Variants in WT1 observed in about 807,000 individuals in gnomAD.
WT1 encodes Wilms tumor protein.
WT1 carries 8 observed loss-of-function variants against 60.8 expected under a neutral mutation model. That is an observed-to-expected ratio of 0.13 (90% CI 0.08 to 0.24). The LOEUF (loss-of-function observed/expected upper bound fraction) is 0.24. Ranked by LOEUF, WT1 falls within the 10% of genes least tolerant of loss-of-function variation. The pLI is 1.00. For synonymous variants in WT1, 312 were observed against 297.1 expected (o/e 1.05, Z -0.52); for missense variants, 568 against 711.8 (o/e 0.80, Z 2.30).
rs1852297100 is a variant in WT1, at chr11:32,405,965, CG to C, written c.1017-5922del. Reference sequence around the variant, plus strand: ...CACTTTTATCATCATGAGACTTGAACGACTCCCAGCTCTTTTCTCCAGCGGG... The same window carrying C: ...CACTTTTATCATCATGAGACTTGAACACTCCCAGCTCTTTTCTCCAGCGGG... On this transcript the variant is annotated intron_variant, in intron 5 of 9. Transcript: ENST00000452863. Among the ~76,000 whole-genome samples the C allele has an allele frequency of 2.0e-5, 3 of 152,270 alleles. No individual in the cohort carries two copies. The South Asian group carries it at 6.2e-4, about 32-fold the overall frequency.
chr11:32,404,949 G>C (rs913384212), intron 5 of WT1, among the ~76,000 whole-genome samples: 8 of 152,088 alleles, frequency 5.3e-5, no homozygotes, highest in Admixed American at 3.9e-4. Context: ...TGAAAACTAA[G>C]ACATTTATCT....
At chr11:32,400,198 G>T (rs1475239619) in intron 5 of WT1, 154 bp from the exon 6 acceptor site, 5 of 881,480 alleles carry the variant, frequency 5.7e-6, no homozygotes, top group Non-Finnish European at 9.1e-6. Flanking sequence ...TTTAGATGCA[G>T]GGTTCTGCGG....
chr11:32,430,932 C>A, intron 1 of WT1: 1 of 961,696 alleles, frequency 1.0e-6, no homozygotes, highest in Non-Finnish European at 1.3e-6. Context: ...GGGGCAGGGG[C>A]CAGGGGAGGT....
At chr11:32,394,546 AAAG>A (rs869252469) in intron 7 of WT1, among the ~76,000 whole-genome samples, 3 of 152,214 alleles carry the variant, frequency 2.0e-5, no homozygotes, top group Non-Finnish European at 4.4e-5. Context: ...CTGCAGTTAA[AAAG>A]AAGGAGTTTG....
At chr11:32,430,564 A>C (rs1590401313) in intron 1 of WT1, 1 of 1,610,780 alleles carries the variant, frequency 6.2e-7, no homozygotes, top group Non-Finnish European at 8.5e-7. Context: ...GTAGGCAGGG[A>C]CCCAGGGCAC....
chr11:32,417,650 T>C lies in WT1; in HGVS notation c.892A>G (p.Asn298Asp), dbSNP rs1554943492. Reference sequence around the variant, plus strand: ...AGCTGGGATGTCATTTGGTATAAATTGTCACTGTTAGAAAAACATCTAGAG... The same window carrying C: ...AGCTGGGATGTCATTTGGTATAAATCGTCACTGTTAGAAAAACATCTAGAG... Residue 298 changes from asparagine (N) to aspartate (D), a missense_variant, in exon 4 of 10, where the codon AAT (asparagine) becomes GAT (aspartate). Asn to Asp is a conservative substitution (Grantham distance 23). Around this residue, in one of 3 missense-constraint regions of WT1, gnomAD observed 523 missense variants for 565.1 expected, o/e 0.93. Transcript: ENST00000452863. 7 of 1,613,646 alleles carry C rather than the reference T, an allele frequency of 4.3e-6. No individual in the cohort carries two copies. The South Asian group carries it at 6.6e-5, about 15-fold the overall frequency.
chr11:32,430,668 G>A, intron 1 of WT1: 2 of 1,459,758 alleles, frequency 1.4e-6, no homozygotes, highest in South Asian at 1.4e-5. Context: ...ACGTCCGTCC[G>A]CACCCCAGAA....
chr11:32,423,334 G>C (rs938127034), intron 3 of WT1, among the ~76,000 whole-genome samples: 1 of 152,368 alleles, frequency 6.6e-6, no homozygotes. Flanking sequence ...ACACCCAGTG[G>C]TAAAGACAAA....
intron 1 of WT1, among the ~76,000 whole-genome samples, chr11:32,430,147 T>C (rs953342106): frequency 2.6e-5 from 4 of 151,866 alleles, no homozygotes; most frequent in African/African-American, 9.7e-5. Flanking sequence ...CACCACACAC[T>C]GGGGATTTGA....
At chr11:32,428,092 C>A in intron 2 of WT1, 34 bp from the exon 3 acceptor site, 2 of 1,560,444 alleles carry the variant, frequency 1.3e-6, no homozygotes, top group African/African-American at 1.3e-5. Context: ...TGAGCGAGTG[C>A]GCCCCAAGGG....
intron 1 of WT1, among the ~76,000 whole-genome samples, chr11:32,431,054 G>A (rs1445974897): frequency 6.6e-6 from 1 of 152,192 alleles, no homozygotes; most frequent in Admixed American, 6.5e-5. Context: ...CCCGGCCCGG[G>A]AGGGGAGCGC....
chr11:32,420,111 C>A (rs923844477), intron 3 of WT1, among the ~76,000 whole-genome samples: 2 of 152,188 alleles, frequency 1.3e-5, no homozygotes, highest in Non-Finnish European at 2.9e-5. Context: ...ATGGTATACA[C>A]TGGCCACATG....
intron 1 of WT1, among the ~76,000 whole-genome samples, chr11:32,431,431 C>A (rs970057056): frequency 7.5e-6 from 1 of 133,648 alleles, no homozygotes; most frequent in Admixed American, 7.6e-5. Flanking sequence ...TAGCAGGCAA[C>A]CTCTTTTTTT....
At chr11:32,429,558 C>T (rs5030151) in intron 1 of WT1, among the ~76,000 whole-genome samples, 1,775 of 150,744 alleles carry the variant, frequency 0.012, 40 homozygotes, top group African/African-American at 0.041. Context: ...TAAACTTATA[C>T]CCCACAAGCT....
chr11:32,390,969 TTTTG>T (rs1338204854), intron 9 of WT1, among the ~76,000 whole-genome samples: 1 of 126,384 alleles, frequency 7.9e-6, no homozygotes, highest in Non-Finnish European at 1.6e-5. Flanking sequence ...CCTCATTTTT[TTTTG>T]TTTGTTTTGT....
intron 1 of WT1, among the ~76,000 whole-genome samples, chr11:32,431,156 C>A (rs1360833156): frequency 6.6e-6 from 1 of 152,144 alleles, no homozygotes; most frequent in African/African-American, 2.4e-5. Context: ...CTGGCCTGGC[C>A]GGGCCGTGAG....
rs2234584 is a variant in WT1 at position 32,428,521 on chromosome 11, G to A, written c.760C>T (p.Pro254Ser). ...CCCAGCGAGCCCTGCTGGCCCATGGGATCCTCATGCTTGAATGAGTGGTTG... is the reference window on the plus strand; with the variant it reads ...CCCAGCGAGCCCTGCTGGCCCATGGAATCCTCATGCTTGAATGAGTGGTTG... Residue 254 changes from proline to serine, a missense_variant, in exon 2 of 10, where the codon CCC becomes TCC. This residue lies in a region of WT1 where 523 missense variants were observed against 565.1 expected (regional missense o/e 0.93). Coordinates refer to ENST00000452863, the MANE Select transcript of WT1 (RefSeq NM_024426.6). 828 of 1,614,126 alleles carry A rather than the reference G, an allele frequency of 5.1e-4. 1 individual carries two copies. The highest frequency in any genetic ancestry group is 6.2e-4 in the Non-Finnish European group (736 of 1,180,046).
rs568795797 is a variant in WT1 at position 32,412,560 on chromosome 11, G to C, written c.1016+3930C>G. Among the ~76,000 whole-genome samples, 265 of 152,016 alleles carry C rather than the reference G, an allele frequency of 1.7e-3. 1 individual carries two copies. Among genetic ancestry groups the C allele is most frequent in the African/African-American group, 6.0e-3 (248 of 41,438 alleles). ...AACAGAGGCCAACAGGGTAGGAGAG[G>C]CTTGTTCGGAAATCAGCAGCCATTG... On this transcript the variant is annotated intron_variant, in intron 5 of 9. Coordinates refer to ENST00000452863, the MANE Select transcript of WT1 (RefSeq NM_024426.6).
At chr11:32,430,791 C>T (rs1291691628) in intron 1 of WT1, 2 of 1,316,164 alleles carry the variant, frequency 1.5e-6, no homozygotes, top group Non-Finnish European at 1.9e-6. Context: ...TCAGGTCCCC[C>T]CGGGAGGGGC....
Sources: gnomAD v4.1 joint callset for allele counts (sites outside exome capture counted in the v4.1 genomes callset) on GRCh38, gnomAD v4.1.1 for gene constraint, gnomAD v4.1.1 regional missense constraint, MANE v1.5 for transcripts, NCBI Gene and HGNC (gene_info 2026-07-23, HGNC 2026-07-21) for gene names.